FOXN2: variants seen among roughly 807,000 people sequenced by gnomAD.
FOXN2 encodes forkhead box protein N2.
Under a neutral mutation model 41.2 loss-of-function variants are expected in FOXN2, and 19 were observed. The observed-to-expected ratio is 0.46, with a 90% CI of 0.32 to 0.68. The LOEUF is 0.68. Ranked by LOEUF, FOXN2 falls within the 30% of genes least tolerant of loss-of-function variation. The probability of loss-of-function intolerance (pLI) is 0.03; values close to 1 mark genes in which losing one functional copy is unlikely to be tolerated. For synonymous variants in FOXN2, 195 were observed against 176.8 expected, an observed-to-expected ratio of 1.10 and a Z score of -0.82; for missense variants, 587 against 509.4, an observed-to-expected ratio of 1.15 and a Z score of -1.47.
intron 3 of FOXN2, among the ~76,000 whole-genome samples, chr2:48,351,968 G>A (rs761261032): frequency 6.6e-6 from 1 of 152,164 alleles, no homozygotes; most frequent in Non-Finnish European, 1.5e-5. Flanking sequence ...ATTCTCTGTT[G>A]GTGAGGAATG....
At chr2:48,345,676 G>A (rs780762177) in intron 2 of FOXN2, among the ~76,000 whole-genome samples, 2 of 152,020 alleles carry the variant, frequency 1.3e-5, no homozygotes, top group Admixed American at 6.6e-5. Context: ...TTAGTATGAC[G>A]TGCTGTAAAA....
intron 3 of FOXN2, among the ~76,000 whole-genome samples, chr2:48,357,925 G>A (rs1246357790): frequency 6.9e-6 from 1 of 145,938 alleles, no homozygotes; most frequent in African/African-American, 2.5e-5. Context: ...GTGATATCTT[G>A]CTGCTAAACA....
At chr2:48,341,009 A>AT (rs1219706817) in intron 2 of FOXN2, among the ~76,000 whole-genome samples, 3 of 152,182 alleles carry the variant, frequency 2.0e-5, no homozygotes, top group Non-Finnish European at 4.4e-5. Flanking sequence ...AATTACTTGG[A>AT]TTAAGCTAGT....
intron 3 of FOXN2, among the ~76,000 whole-genome samples, chr2:48,353,504 TATG>T (rs987202142): frequency 6.6e-6 from 1 of 151,142 alleles, no homozygotes; most frequent in Non-Finnish European, 1.5e-5. Flanking sequence ...CTAGGGAAGA[TATG>T]AGAGCTCTCT....
chr2:48,314,875 CAGCT>C (rs1668782433), intron 1 of FOXN2, 61 bp downstream of exon 1: 1 of 151,934 alleles, frequency 6.6e-6, no homozygotes, highest in African/African-American at 2.4e-5. Context: ...GCCCGCGGCG[CAGCT>C]CCCGGGCGCG....
rs374006168 is a variant in FOXN2, at chr2:48,346,239, C to T, written c.25C>T (p.Pro9Ser). 1 of 1,611,976 alleles carries T rather than the reference C, an allele frequency of 6.2e-7. No homozygotes were observed. Among genetic ancestry groups the T allele is most frequent in the Non-Finnish European group, 8.5e-7 (1 of 1,179,302 alleles). The change falls in exon 3 of 7, where the codon CCA becomes TCA. Residue 9 changes from proline (P) to serine (S), a missense_variant. By Grantham distance (74) the Pro-to-Ser change is moderately conservative. Transcript: ENST00000340553. The part of the protein sequence containing the change: MGPVIGMT[P>S]DKRAETPGAE... ...AATGGGTCCAGTAATTGGAATGACT[C>T]CAGATAAGAGAGCTGAAACCCCAGG...
At position 48,371,559 on chromosome 2, in the gene FOXN2, T is replaced by A. The variant is rs1237057050; in HGVS notation, c.704-1733T>A. Among the ~76,000 whole-genome samples, 5 of 152,216 alleles carry A rather than the reference T, an allele frequency of 3.3e-5. No homozygotes were observed. In the South Asian group the frequency reaches 6.2e-4, roughly 19 times the overall value. ...TGTTTGTATTTTGCCTCCAGTTTTG[T>A]TCTTTTTGCTCAAGATTCTTTTGCC... On this transcript the variant is annotated intron_variant, in intron 5 of 6. Transcript: ENST00000340553.
At chr2:48,374,584 A>T (rs1673109418) in intron 6 of FOXN2, among the ~76,000 whole-genome samples, 1 of 152,216 alleles carries the variant, frequency 6.6e-6, no homozygotes, top group Non-Finnish European at 1.5e-5. Context: ...TTTGTATTGC[A>T]GCATGATTTA....
intron 5 of FOXN2, among the ~76,000 whole-genome samples, chr2:48,365,322 C>T (rs1482096109): frequency 6.6e-6 from 1 of 152,146 alleles, no homozygotes; most frequent in South Asian, 2.1e-4. Context: ...GACAAATATC[C>T]GTGTTCCTGT....
intron 1 of FOXN2, among the ~76,000 whole-genome samples, chr2:48,325,225 T>A (rs1669582400): frequency 6.6e-6 from 1 of 152,104 alleles, no homozygotes. Context: ...GCACACCGTT[T>A]AATCCTTCTC....
intron 3 of FOXN2, 58 bp from the exon 4 acceptor site, chr2:48,358,989 T>G: frequency 1.5e-6 from 2 of 1,307,612 alleles, no homozygotes; most frequent in Admixed American, 1.9e-5. Flanking sequence ...TTAAAACATT[T>G]AGACGCTGAC....
chr2:48,321,446 G>A (rs902505944), intron 1 of FOXN2, among the ~76,000 whole-genome samples: 8 of 152,272 alleles, frequency 5.3e-5, no homozygotes, highest in African/African-American at 1.9e-4. Flanking sequence ...TGAGGCAGGA[G>A]AATGGCCTGA....
At chr2:48,334,046 A>G (rs1670184896) in intron 2 of FOXN2, among the ~76,000 whole-genome samples, 1 of 152,088 alleles carries the variant, frequency 6.6e-6, no homozygotes, top group African/African-American at 2.4e-5. Context: ...ATATGGAAGT[A>G]AGGTTTTTTT....
At chr2:48,371,813 C>T (rs1672912374) in intron 5 of FOXN2, among the ~76,000 whole-genome samples, 1 of 151,924 alleles carries the variant, frequency 6.6e-6, no homozygotes, top group Admixed American at 6.6e-5. Context: ...AATGAGATTG[C>T]CATCTTGATT....
At chr2:48,352,997 T>C (rs1671552413) in intron 3 of FOXN2, among the ~76,000 whole-genome samples, 1 of 152,156 alleles carries the variant, frequency 6.6e-6, no homozygotes, top group Non-Finnish European at 1.5e-5. Flanking sequence ...TCTCATCAAA[T>C]TGAACTATTA....
chr2:48,334,357 A>T (rs1670200971), intron 2 of FOXN2, among the ~76,000 whole-genome samples: 1 of 152,090 alleles, frequency 6.6e-6, no homozygotes, highest in African/African-American at 2.4e-5. Context: ...CATAATGACA[A>T]CTCTTGTTAG....
chr2:48,362,723 A>G lies in FOXN2; in HGVS notation c.703+16A>G. 2 of 1,601,568 alleles carry G rather than the reference A, an allele frequency of 1.2e-6. No homozygotes were observed. Among genetic ancestry groups the G allele is most frequent in the African/African-American group, 1.3e-5 (1 of 74,808 alleles). ...AACCTCAAAGGTATGTGTGAATATC[A>G]GTACAGTCATGCACCACACAACAAT... On this transcript the variant is annotated intron_variant, in intron 5 of 6. Coordinates refer to ENST00000340553, the MANE Select transcript of FOXN2 (RefSeq NM_002158.4).
chr2:48,373,238 G>C (rs1034492190), intron 5 of FOXN2, 54 bp from the exon 6 acceptor site: 71 of 1,286,336 alleles, frequency 5.5e-5, no homozygotes, highest in Non-Finnish European at 7.6e-5. Flanking sequence ...CAAATACTTA[G>C]AATAGCCTCT....
intron 4 of FOXN2, among the ~76,000 whole-genome samples, chr2:48,360,484 T>G (rs1032483329): frequency 6.6e-6 from 1 of 152,184 alleles, no homozygotes; most frequent in Non-Finnish European, 1.5e-5. Flanking sequence ...GGAGTGGTTG[T>G]AGCTGGAATA....
Sources: allele counts gnomAD v4.1 joint callset (sites outside exome capture counted in the v4.1 genomes callset), GRCh38; gene constraint gnomAD v4.1.1; transcripts MANE v1.5; gene names NCBI Gene and HGNC (gene_info 2026-07-23, HGNC 2026-07-21).